TCAIM: variants seen among roughly 807,000 people sequenced by gnomAD.
TCAIM encodes the protein T cell activation inhibitor, mitochondrial.
TCAIM carries 36 observed loss-of-function variants against 58.6 expected under a neutral mutation model. That is an observed-to-expected ratio of 0.61 (90% CI 0.47 to 0.81). TCAIM has a LOEUF of 0.81. Ranked by LOEUF, TCAIM falls within the 30% of genes least tolerant of loss-of-function variation. The pLI, the probability that TCAIM is intolerant of heterozygous loss-of-function variation, is 0.00. For synonymous variants in TCAIM, 172 were observed against 193.6 expected (o/e 0.89, Z 0.93); for missense variants, 466 against 579.6 (o/e 0.80, Z 2.01).
intron 5 of TCAIM, among the ~76,000 whole-genome samples, chr3:44,375,158 T>C (rs1701544871): frequency 6.6e-6 from 1 of 152,212 alleles, no homozygotes; most frequent in Non-Finnish European, 1.5e-5. Flanking sequence ...ACATGTAATA[T>C]ATGTATTACA....
At chr3:44,381,266 G>GA (rs1701650725) in intron 5 of TCAIM, among the ~76,000 whole-genome samples, 1 of 152,032 alleles carries the variant, frequency 6.6e-6, no homozygotes, top group Non-Finnish European at 1.5e-5. Context: ...TCAATACCAT[G>GA]ACCAAGTAGG....
At chr3:44,389,284 C>T (rs1354407413) in intron 5 of TCAIM, among the ~76,000 whole-genome samples, 5 of 152,192 alleles carry the variant, frequency 3.3e-5, no homozygotes, top group African/African-American at 4.8e-5. Context: ...AGTGAGACTC[C>T]GTCTCAAAAA....
In TCAIM at chr3:44,349,234, G is replaced by A. The variant is rs535933241; in HGVS notation, c.-44-5505G>A. Among the ~76,000 whole-genome samples, 5 of 152,240 alleles carry A rather than the reference G, an allele frequency of 3.3e-5. No individual in the cohort carries two copies. The South Asian group carries it at 6.2e-4, about 19-fold the overall frequency. On this transcript the variant is annotated intron_variant, in intron 1 of 10. Coordinates refer to ENST00000342649, the MANE Select transcript of TCAIM (RefSeq NM_173826.4). ...TGGAAGCAGAGATTAGGAAGGGACC[G>A]ACGTGTAAAAGAATGCCTGGACATC...
chr3:44,378,273 A>G (rs973820477), intron 5 of TCAIM, among the ~76,000 whole-genome samples: 10 of 151,798 alleles, frequency 6.6e-5, no homozygotes, highest in African/African-American at 2.4e-4. Flanking sequence ...CCCAGCTCTC[A>G]GGAGGCTGAG....
chr3:44,406,590 T>G (rs536416330), intron 10 of TCAIM, among the ~76,000 whole-genome samples: 2 of 152,338 alleles, frequency 1.3e-5, no homozygotes, highest in South Asian at 2.1e-4. Flanking sequence ...TTTTTTACTG[T>G]CTAGTTTATG....
chr3:44,344,870 C>T (rs1169217933), intron 1 of TCAIM, among the ~76,000 whole-genome samples: 1 of 152,002 alleles, frequency 6.6e-6, no homozygotes, highest in East Asian at 1.9e-4. Flanking sequence ...ACAAGGTGCT[C>T]AGTCGGGGAG....
intron 5 of TCAIM, among the ~76,000 whole-genome samples, chr3:44,386,173 A>G (rs1701736624): frequency 7.6e-6 from 1 of 131,064 alleles, no homozygotes; most frequent in Admixed American, 9.0e-5. Flanking sequence ...AGATTGCACC[A>G]CTGCACCTCA....
chr3:44,396,655 T>C lies in TCAIM; in HGVS notation c.794-88T>C. Reference sequence around the variant, plus strand: ...AATTAGCCTTTAAGCTTCTACTGAATTTAATCCTGGGTTTATACACTATTT... The same window carrying C: ...AATTAGCCTTTAAGCTTCTACTGAACTTAATCCTGGGTTTATACACTATTT... On this transcript the variant is annotated intron_variant, in intron 7 of 10. Coordinates refer to ENST00000342649, the MANE Select transcript of TCAIM (RefSeq NM_173826.4). The C allele has an allele frequency of 2.7e-6, 4 of 1,485,234 alleles. No individual in the cohort carries two copies. The South Asian group carries it at 4.8e-5, about 18-fold the overall frequency. 92.0% of individuals were successfully genotyped at this position (1,485,234 alleles called of 1,614,324 possible). A position where few individuals can be genotyped will look rare whatever the true frequency, so the allele number is the denominator to read the frequency against.
chr3:44,383,034 G>C (rs1307216383), intron 5 of TCAIM, among the ~76,000 whole-genome samples: 1 of 152,164 alleles, frequency 6.6e-6, no homozygotes, highest in Non-Finnish European at 1.5e-5. Context: ...ACTAATGGGT[G>C]TGAGGTACCT....
intron 5 of TCAIM, among the ~76,000 whole-genome samples, chr3:44,377,204 A>G (rs1701579649): frequency 6.6e-6 from 1 of 152,196 alleles, no homozygotes; most frequent in Non-Finnish European, 1.5e-5. Flanking sequence ...TATTCCATGC[A>G]ATAGTAACCA....
At chr3:44,356,599 G>A (rs905397420) in intron 2 of TCAIM, among the ~76,000 whole-genome samples, 2 of 151,900 alleles carry the variant, frequency 1.3e-5, no homozygotes, top group African/African-American at 4.8e-5. Flanking sequence ...TCAAAAAACC[G>A]CAAATAATTT....
intron 3 of TCAIM, chr3:44,359,233 C>A: frequency 3.3e-6 from 1 of 303,984 alleles, no homozygotes; most frequent in Non-Finnish European, 4.8e-6. Context: ...AAAAAACAAA[C>A]AACAAAAACT....
chr3:44,346,380 C>T (rs1276780115), intron 1 of TCAIM, among the ~76,000 whole-genome samples: 1 of 152,120 alleles, frequency 6.6e-6, no homozygotes, highest in Non-Finnish European at 1.5e-5. Flanking sequence ...GTGGGAAAGG[C>T]GTCTACCCAT....
chr3:44,398,028 A>C (rs966788297), intron 8 of TCAIM, among the ~76,000 whole-genome samples: 1 of 152,042 alleles, frequency 6.6e-6, no homozygotes, highest in African/African-American at 2.4e-5. Flanking sequence ...AGAAAAAAAA[A>C]AACAACTAAA....
intron 1 of TCAIM, among the ~76,000 whole-genome samples, chr3:44,346,092 A>G (rs1199581319): frequency 6.6e-6 from 1 of 152,112 alleles, no homozygotes; most frequent in Non-Finnish European, 1.5e-5. Flanking sequence ...AATTCTGAGA[A>G]GGGCAAGTGG....
intron 1 of TCAIM, among the ~76,000 whole-genome samples, chr3:44,351,607 G>T (rs566456699): frequency 3.5e-4 from 53 of 152,034 alleles, no homozygotes; most frequent in South Asian, 1.7e-3. Flanking sequence ...TGATTCTGCT[G>T]CCTCAGCCTC....
intron 2 of TCAIM, among the ~76,000 whole-genome samples, chr3:44,355,124 T>A (rs1701166597): frequency 6.6e-6 from 1 of 152,222 alleles, no homozygotes; most frequent in Admixed American, 6.5e-5. Flanking sequence ...ACACAGTTTC[T>A]TTTCTTTAGA....
At chr3:44,400,292 C>A in intron 8 of TCAIM, 63 bp from the exon 9 acceptor site, 1 of 1,275,898 alleles carries the variant, frequency 7.8e-7, no homozygotes. Context: ...TATTGGAATT[C>A]TAAAATTAAA....
chr3:44,361,590 A>G, intron 4 of TCAIM, 72 bp downstream of exon 4: 1 of 1,355,292 alleles, frequency 7.4e-7, no homozygotes, highest in Non-Finnish European at 9.7e-7. Flanking sequence ...TGACATTGCC[A>G]GAATACCTTT....
Sources: gnomAD v4.1 joint callset for allele counts (sites outside exome capture counted in the v4.1 genomes callset) on GRCh38, gnomAD v4.1.1 for gene constraint, MANE v1.5 for transcripts, NCBI Gene and HGNC (gene_info 2026-07-23, HGNC 2026-07-21) for gene names.